MROH7: variants seen among roughly 807,000 people sequenced by gnomAD.
MROH7 encodes the protein maestro heat like repeat family member 7.
In MROH7, 113 loss-of-function variants were observed where a neutral mutation model predicts 129.2. That is an observed-to-expected ratio of 0.87 (90% CI 0.75 to 1.02). MROH7 has a LOEUF of 1.02. Ranked by LOEUF, MROH7 falls within the 50% of genes least tolerant of loss-of-function variation. The pLI, the probability that MROH7 is intolerant of heterozygous loss-of-function variation, is 0.00. For synonymous variants in MROH7, 655 were observed against 667.9 expected, an observed-to-expected ratio of 0.98 and a Z score of 0.30; for missense variants, 1,601 against 1,671.3, an observed-to-expected ratio of 0.96 and a Z score of 0.73.
intron 10 of MROH7, among the ~76,000 whole-genome samples, chr1:54,677,100 A>G (rs1569924854): frequency 6.6e-6 from 1 of 152,024 alleles, no homozygotes; most frequent in South Asian, 2.1e-4. Context: ...CTCGGCCTCC[A>G]AAGTGCTGGG....
chr1:54,650,246 G>T (rs1163519949), intron 1 of MROH7, among the ~76,000 whole-genome samples: 2 of 152,326 alleles, frequency 1.3e-5, no homozygotes, highest in East Asian at 1.9e-4. Context: ...GAGGGGAAAA[G>T]TCTCTTGCCC....
In MROH7 at chr1:54,653,873, A is replaced by G. The variant is rs1655518; in HGVS notation, c.947A>G (p.Glu316Gly). 1,601,232 of 1,614,092 alleles carry G rather than the reference A, an allele frequency of 0.99. 794,969 individuals are homozygous for G. The highest frequency in any genetic ancestry group is 1 in the East Asian group (44,870 of 44,870). ...YGISLHSSTH[E>G]PNSTISPPSC... The stretch of plus-strand genomic sequence containing the variant: ...ATCAGCCTGCACTCCAGCACCCATG[A>G]GCCCAACTCCACCATCTCTCCACCC... Residue 316 changes from glutamate to glycine, a missense_variant, in exon 3 of 24, where the codon GAG becomes GGG. Coordinates refer to ENST00000421030, the MANE Select transcript of MROH7 (RefSeq NM_001039464.4).
intron 10 of MROH7, among the ~76,000 whole-genome samples, chr1:54,674,539 C>G (rs1644952953): frequency 6.6e-6 from 1 of 152,088 alleles, no homozygotes; most frequent in South Asian, 2.1e-4. Context: ...CTTGGTCACC[C>G]CTGTATTCCC....
intron 16 of MROH7, 69 bp downstream of exon 16, chr1:54,692,630 G>C (rs370244710): frequency 1.3e-6 from 2 of 1,505,074 alleles, no homozygotes; most frequent in Non-Finnish European, 1.8e-6. Context: ...ATCTTCAGAC[G>C]GACTTGGTCT....
chr1:54,694,435 T>C (rs1486396295), intron 16 of MROH7, among the ~76,000 whole-genome samples: 1 of 152,216 alleles, frequency 6.6e-6, no homozygotes, highest in African/African-American at 2.4e-5. Context: ...CTGTGCCCCG[T>C]ACCCTAAGAG....
intron 1 of MROH7, among the ~76,000 whole-genome samples, 179 bp downstream of exon 1, chr1:54,642,147 T>C (rs1035227511): frequency 2.0e-5 from 3 of 151,746 alleles, no homozygotes; most frequent in African/African-American, 7.2e-5. Flanking sequence ...AACCATACTT[T>C]GTCTTTTTTC....
chr1:54,705,484 G>C (rs774910089), intron 21 of MROH7, among the ~76,000 whole-genome samples: 3 of 152,194 alleles, frequency 2.0e-5, no homozygotes, highest in Admixed American at 2.0e-4. Flanking sequence ...GGATGAGCAA[G>C]ATCTGCTAGA....
chr1:54,670,319 A>G (rs946593282), intron 5 of MROH7, among the ~76,000 whole-genome samples, 178 bp from the exon 6 acceptor site: 1 of 152,174 alleles, frequency 6.6e-6, no homozygotes, highest in Admixed American at 6.5e-5. Flanking sequence ...AAATAAAAAT[A>G]CTTAGCCAAG....
chr1:54,666,729 G>A (rs766977131), intron 4 of MROH7, among the ~76,000 whole-genome samples: 9 of 151,974 alleles, frequency 5.9e-5, no homozygotes, highest in Non-Finnish European at 1.2e-4. Flanking sequence ...TTATAGCAGT[G>A]AGCCACCACA....
At chr1:54,650,898 AT>A (rs1396612106) in intron 1 of MROH7, among the ~76,000 whole-genome samples, 1 of 151,772 alleles carries the variant, frequency 6.6e-6, no homozygotes, top group Non-Finnish European at 1.5e-5. Flanking sequence ...TAATTTTTGT[AT>A]TTTTTTGTAG....
At chr1:54,647,694 C>T (rs1003482995) in intron 1 of MROH7, among the ~76,000 whole-genome samples, 75 of 149,598 alleles carry the variant, frequency 5.0e-4, no homozygotes, top group African/African-American at 9.2e-4. Context: ...GAGCTGAGGT[C>T]GTGCCATTGC....
At chr1:54,661,576 A>ATTTGTTTGTTTGTTTGTTTG (rs71048703) in intron 3 of MROH7, among the ~76,000 whole-genome samples, 4 of 149,730 alleles carry the variant, frequency 2.7e-5, no homozygotes, top group Non-Finnish European at 5.9e-5. Flanking sequence ...TAAAAATATT[A>ATTTGTTTGTTTGTTTGTTTG]TTTGTTTGTT....
intron 3 of MROH7, among the ~76,000 whole-genome samples, chr1:54,655,361 A>G (rs1209024982): frequency 6.6e-6 from 1 of 151,838 alleles, no homozygotes; most frequent in South Asian, 2.1e-4. Flanking sequence ...CTATTAGTAG[A>G]TAACATTTTA....
chr1:54,664,291 A>C (rs1229902288), intron 3 of MROH7, among the ~76,000 whole-genome samples: 1 of 152,228 alleles, frequency 6.6e-6, no homozygotes, highest in Non-Finnish European at 1.5e-5. Context: ...TCTCATAACA[A>C]GTAGGTGTTT....
chr1:54,667,590 G>A (rs1394311017), intron 4 of MROH7, among the ~76,000 whole-genome samples: 1 of 152,008 alleles, frequency 6.6e-6, no homozygotes, highest in Non-Finnish European at 1.5e-5. Context: ...CAAGTAGCTG[G>A]GATTACAGGC....
chr1:54,670,597 G>A (rs754349974), intron 6 of MROH7, 21 bp downstream of exon 6: 1 of 1,602,578 alleles, frequency 6.2e-7, no homozygotes, highest in South Asian at 1.1e-5. Flanking sequence ...CCCTCTCCCT[G>A]TTCCCACAGC....
intron 15 of MROH7, among the ~76,000 whole-genome samples, chr1:54,691,803 A>AGTGTGTGTGTGT (rs373106798): frequency 0.01 from 1,070 of 104,162 alleles, 23 homozygotes; most frequent in East Asian, 0.053. Context: ...AAAAAAAAAA[A>AGTGTGTGTGTGT]GTGTGTGTGT....
chr1:54,686,465 C>T lies in MROH7; in HGVS notation c.2711+17C>T, dbSNP rs1002501092. Reference sequence around the variant, plus strand: ...ACCTGTGCGGTATGCTCTGCCCTCTCTCTTGACCCTGCTGTCCCCGGTGGT... The same window carrying T: ...ACCTGTGCGGTATGCTCTGCCCTCTTTCTTGACCCTGCTGTCCCCGGTGGT... On this transcript the variant is annotated intron_variant, in intron 15 of 23. Transcript: ENST00000421030. 6.2e-7 allele frequency: 1 copy of T among 1,608,212 alleles called. No individual in the cohort carries two copies. Among genetic ancestry groups the T allele is most frequent in the Non-Finnish European group, 8.5e-7 (1 of 1,176,626 alleles).
chr1:54,681,904 G>A (rs1300950630), intron 13 of MROH7, among the ~76,000 whole-genome samples: 1 of 152,144 alleles, frequency 6.6e-6, no homozygotes, highest in Non-Finnish European at 1.5e-5. Context: ...GTGTAATCTT[G>A]GACTGGTAAT....
Sources: gnomAD v4.1 joint callset for allele counts (sites outside exome capture counted in the v4.1 genomes callset) on GRCh38, gnomAD v4.1.1 for gene constraint, MANE v1.5 for transcripts, NCBI Gene and HGNC (gene_info 2026-07-23, HGNC 2026-07-21) for gene names.